The following SPTLC3 variants were observed in gnomAD, a reference collection of about 807,000 sequenced individuals.
SPTLC3 encodes the protein serine palmitoyltransferase 3.
SPTLC3 carries 36 observed loss-of-function variants against 59.3 expected under a neutral mutation model. The observed-to-expected ratio is 0.61, with a 90% CI of 0.47 to 0.80. The LOEUF is 0.80. Among genes scored for constraint, SPTLC3 ranks in the 30% least tolerant of loss-of-function variants. The pLI is 0.00. For missense variants in SPTLC3, 625 were observed against 685.1 expected, an observed-to-expected ratio of 0.91 and a Z score of 0.98; for synonymous variants, 257 against 240.8, an observed-to-expected ratio of 1.07 and a Z score of -0.62.
intron 2 of SPTLC3, among the ~76,000 whole-genome samples, chr20:13,067,649 CTCTA>C (rs1178392804): frequency 6.6e-6 from 1 of 152,116 alleles, no homozygotes; most frequent in Non-Finnish European, 1.5e-5. Flanking sequence ...TATTCAATAT[CTCTA>C]TCTAATTCTT....
intron 2 of SPTLC3, among the ~76,000 whole-genome samples, chr20:13,055,382 A>C (rs189951643): frequency 6.6e-6 from 1 of 152,202 alleles, no homozygotes; most frequent in Non-Finnish European, 1.5e-5. Context: ...CTCCTTGGGC[A>C]TTCTCACAGT....
chr20:13,060,213 T>C (rs1987901592), intron 2 of SPTLC3, among the ~76,000 whole-genome samples: 1 of 152,170 alleles, frequency 6.6e-6, no homozygotes, highest in South Asian at 2.1e-4. Flanking sequence ...ACTGCTCCAA[T>C]GCAGCATTTC....
chr20:13,145,351 A>T (rs993049963), intron 9 of SPTLC3, among the ~76,000 whole-genome samples: 1 of 152,178 alleles, frequency 6.6e-6, no homozygotes, highest in African/African-American at 2.4e-5. Context: ...ACAACAGCAA[A>T]ACTGAGAGCC....
chr20:13,118,018 T>C (rs79095837), intron 8 of SPTLC3, among the ~76,000 whole-genome samples: 4,979 of 152,202 alleles, frequency 0.033, 223 homozygotes, highest in African/African-American at 0.1. Context: ...CTCTGTTAAG[T>C]AGTATCTAGG....
intron 2 of SPTLC3, among the ~76,000 whole-genome samples, chr20:13,070,256 G>A (rs1456217676): frequency 2.0e-5 from 3 of 152,044 alleles, no homozygotes; most frequent in East Asian, 1.9e-4. Flanking sequence ...AGAATTGCCC[G>A]ACCATCCTTC....
chr20:13,075,224 T>G (rs922881037), intron 4 of SPTLC3, among the ~76,000 whole-genome samples: 1 of 152,036 alleles, frequency 6.6e-6, no homozygotes, highest in Non-Finnish European at 1.5e-5. Context: ...ACCTAAGTGA[T>G]GTACTCAAGG....
At chr20:13,082,500 A>C (rs2122599132) in intron 4 of SPTLC3, among the ~76,000 whole-genome samples, 1 of 152,342 alleles carries the variant, frequency 6.6e-6, no homozygotes, top group South Asian at 2.1e-4. Flanking sequence ...TATTATATGA[A>C]GTTCAAATTT....
Position 13,037,012 on chromosome 20 carries a change from T to C in SPTLC3, c.118-11933T>C, listed in dbSNP as rs186389553. On this transcript the variant is annotated intron_variant, in intron 1 of 11. Coordinates refer to ENST00000399002, the MANE Select transcript of SPTLC3 (RefSeq NM_018327.4). Reference sequence around the variant, plus strand: ...ACTCAACAATGTAATCGAAAACCAGTATTTTCCATCTCTTCATTCTACCAT... The same window carrying C: ...ACTCAACAATGTAATCGAAAACCAGCATTTTCCATCTCTTCATTCTACCAT... Among the ~76,000 whole-genome samples, 16 of 152,268 alleles carry C rather than the reference T, an allele frequency of 1.1e-4. No homozygotes were observed. The East Asian group carries it at 2.9e-3, about 28-fold the overall frequency.
chr20:13,131,109 C>A (rs1225062098), intron 9 of SPTLC3, among the ~76,000 whole-genome samples: 3 of 133,470 alleles, frequency 2.2e-5, no homozygotes, highest in Non-Finnish European at 3.2e-5. Context: ...GGAAGGTGAG[C>A]CCCAAACCAC....
At chr20:13,014,688 G>A (rs958393018) in intron 1 of SPTLC3, among the ~76,000 whole-genome samples, 5 of 151,914 alleles carry the variant, frequency 3.3e-5, no homozygotes, top group African/African-American at 9.7e-5. Context: ...GAAGGAAGCC[G>A]ATACGCTCAT....
chr20:13,033,714 C>A (rs1019091994), intron 1 of SPTLC3, among the ~76,000 whole-genome samples: 1 of 152,062 alleles, frequency 6.6e-6, no homozygotes. Context: ...TGCAAGTGAT[C>A]TTTTATTTTC....
intron 6 of SPTLC3, among the ~76,000 whole-genome samples, chr20:13,103,428 T>C (rs1989694113): frequency 6.6e-6 from 1 of 152,094 alleles, no homozygotes; most frequent in Admixed American, 6.6e-5. Context: ...GATATAGAGA[T>C]GGGGGGTAAG....
rs556938328 is a variant in SPTLC3, at chr20:13,024,094, C to G, written c.117+14710C>G. Among the ~76,000 whole-genome samples the G allele has an allele frequency of 2.6e-5, 4 of 152,280 alleles. No individual in the cohort carries two copies. The South Asian group carries it at 6.2e-4, about 24-fold the overall frequency. On this transcript the variant is annotated intron_variant, in intron 1 of 11. Transcript: ENST00000399002. ...CTACATGCTAAGAACTTTACAAAAA[C>G]CAACTCCGTTGACCCTCACAACAAC...
At chr20:13,104,327 A>T (rs570871619) in intron 6 of SPTLC3, among the ~76,000 whole-genome samples, 2 of 152,186 alleles carry the variant, frequency 1.3e-5, no homozygotes, top group Admixed American at 6.5e-5. Context: ...TAATTGAATT[A>T]TGGGGGCGGT....
In SPTLC3 at chr20:13,160,140, C is replaced by T; in HGVS notation, c.1545+8C>T. ...CGGGAGATGTTAGACACGGTGAGTACACCACAGGCCAACGGGATCTCAGTA... is the reference window on the plus strand; with the variant it reads ...CGGGAGATGTTAGACACGGTGAGTATACCACAGGCCAACGGGATCTCAGTA... On this transcript the variant is annotated splice_region_variant and intron_variant, in intron 11 of 11. Coordinates refer to ENST00000399002, the MANE Select transcript of SPTLC3 (RefSeq NM_018327.4). 6.2e-7 allele frequency: 1 copy of T among 1,612,514 alleles called. No individual in the cohort carries two copies. Among genetic ancestry groups the T allele is most frequent in the South Asian group, 1.1e-5 (1 of 90,916 alleles).
chr20:13,127,149 G>A (rs547105153), intron 9 of SPTLC3, among the ~76,000 whole-genome samples: 26 of 152,258 alleles, frequency 1.7e-4, no homozygotes, highest in African/African-American at 6.0e-4. Context: ...GCCACCACTG[G>A]CCATTGAGGA....
chr20:13,009,164 G>A lies in SPTLC3; in HGVS notation c.-104G>A. 1 of 822,608 alleles carries A rather than the reference G, an allele frequency of 1.2e-6. No homozygotes were observed. Among genetic ancestry groups the A allele is most frequent in the South Asian group, 1.6e-5 (1 of 61,114 alleles). 51.0% of individuals were successfully genotyped at this position (822,608 alleles called of 1,614,324 possible). On this transcript the variant is annotated 5_prime_UTR_variant, in exon 1 of 12. Coordinates refer to ENST00000399002, the MANE Select transcript of SPTLC3 (RefSeq NM_018327.4). ...CCTGATTGGTAAGATTCCTTTAAGG[G>A]CTCAGCCCCAAAGAGCTTTATCCCA...
At chr20:13,101,075 G>A (rs748012725) in intron 6 of SPTLC3, among the ~76,000 whole-genome samples, 13 of 152,302 alleles carry the variant, frequency 8.5e-5, no homozygotes, top group Non-Finnish European at 1.6e-4. Flanking sequence ...ACAGGACCTC[G>A]ATTCTACTAG....
chr20:13,044,024 G>A (rs557763886), intron 1 of SPTLC3, among the ~76,000 whole-genome samples: 42 of 151,742 alleles, frequency 2.8e-4, no homozygotes, highest in Middle Eastern at 3.5e-3. Flanking sequence ...CCCACTTGCT[G>A]TCTCCTTAGA....
Sources: gnomAD v4.1 joint callset for allele counts (sites outside exome capture counted in the v4.1 genomes callset) on GRCh38, gnomAD v4.1.1 for gene constraint, MANE v1.5 for transcripts, NCBI Gene and HGNC (gene_info 2026-07-23, HGNC 2026-07-21) for gene names.